AKAP9: variants seen among roughly 807,000 people sequenced by gnomAD.
AKAP9 encodes the protein A-kinase anchor protein 9.
Under a neutral mutation model 488.5 loss-of-function variants are expected in AKAP9, and 311 were observed. The observed-to-expected ratio is 0.64, with a 90% CI of 0.58 to 0.70. AKAP9 has a LOEUF of 0.70. Ranked by LOEUF, AKAP9 falls within the 30% of genes least tolerant of loss-of-function variation. The pLI is 0.00. For synonymous variants in AKAP9, 1,462 were observed against 1,483.5 expected, an observed-to-expected ratio of 0.99 and a Z score of 0.33; for missense variants, 4,215 against 4,374.5, an observed-to-expected ratio of 0.96 and a Z score of 1.03.
intron 46 of AKAP9, 52 bp downstream of exon 46, chr7:92,102,878 A>C (rs768996588): frequency 6.8e-7 from 1 of 1,464,486 alleles, no homozygotes; most frequent in Admixed American, 1.7e-5. Context: ...TAAAAGGATT[A>C]GTTATTTTTA....
intron 3 of AKAP9, 98 bp from the exon 4 acceptor site, chr7:91,992,060 A>G (rs925001863): frequency 1.2e-5 from 12 of 994,408 alleles, no homozygotes; most frequent in Non-Finnish European, 1.9e-5. Flanking sequence ...TTCCCTAGGA[A>G]TAAAAGACAT....
In AKAP9 at chr7:92,079,490, G is replaced by A. The variant is rs1158032444; in HGVS notation, c.7357G>A (p.Val2453Met). The stretch of plus-strand genomic sequence containing the variant: ...AAGCATACCAGAGAATAGTGTTAAC[G>A]TGGCTATAGATCATCTGAGCAAAGA... The part of the protein sequence containing the change: ...IQSIPENSVN[V>M]AIDHLSKDKP... The change falls in exon 31 of 50, where the codon GTG (valine) becomes ATG (methionine). Residue 2453 changes from valine (V) to methionine (M), a missense_variant. Val to Met is a conservative substitution (Grantham distance 21, BLOSUM62 1). Around this residue, in one of 5 missense-constraint regions of AKAP9, gnomAD observed 1,476 missense variants for 1,477.4 expected, o/e 1.00. Transcript: ENST00000356239. 9.3e-6 allele frequency: 15 copies of A among 1,613,960 alleles called. No individual in the cohort carries two copies. The South Asian group carries it at 1.1e-4, about 12-fold the overall frequency.
intron 12 of AKAP9, among the ~76,000 whole-genome samples, chr7:92,020,011 C>G (rs180903444): frequency 1.3e-5 from 2 of 150,416 alleles, no homozygotes; most frequent in East Asian, 3.9e-4. Flanking sequence ...GAGACTCCAT[C>G]TCAAAAAAAA....
chr7:91,942,703 G>A (rs935341644), intron 1 of AKAP9, among the ~76,000 whole-genome samples: 10 of 152,224 alleles, frequency 6.6e-5, no homozygotes, highest in African/African-American at 2.4e-4. Context: ...CATAATAGAG[G>A]ATTTATTTAA....
intron 1 of AKAP9, among the ~76,000 whole-genome samples, chr7:91,968,404 T>C (rs1004727889): frequency 6.6e-6 from 1 of 152,216 alleles, no homozygotes. Flanking sequence ...TTCATAATAG[T>C]CTGTAATGAT....
chr7:92,062,437 G>A lies in AKAP9; in HGVS notation c.5928G>A (p.Leu1976=), dbSNP rs142251048. 5.3e-5 allele frequency: 85 copies of A among 1,613,658 alleles called. No individual in the cohort carries two copies. Among genetic ancestry groups the A allele is most frequent in the Non-Finnish European group, 6.4e-5 (75 of 1,179,828 alleles). Residue 1976 remains leucine, a synonymous_variant, in exon 24 of 50, where the codon CTG becomes CTA. Transcript: ENST00000356239. ...QQQIQEEREL[L]SRQKEAMKAE... Reference sequence around the variant, plus strand: ...AGATCCAAGAAGAAAGAGAATTACTGTCCAGACAAAAGGAAGCTATGAAAG... The same window carrying A: ...AGATCCAAGAAGAAAGAGAATTACTATCCAGACAAAAGGAAGCTATGAAAG...
chr7:92,101,139 G>A, intron 45 of AKAP9, 83 bp downstream of exon 45: 1 of 1,401,360 alleles, frequency 7.1e-7, no homozygotes, highest in East Asian at 2.4e-5. Context: ...TAAATAAACA[G>A]TCTAAAGAAA....
Position 92,003,252 on chromosome 7 carries a change from A to G in AKAP9, c.3318+17A>G, listed in dbSNP as rs780193549. The G allele has an allele frequency of 7.8e-6, 12 of 1,535,370 alleles. No homozygotes were observed. Among genetic ancestry groups the G allele is most frequent in the Admixed American group, 3.4e-5 (2 of 59,618 alleles). The stretch of plus-strand genomic sequence containing the variant: ...TCAGAACAGGTATGTTTACTTCTTC[A>G]TATATGGTAAAGCACAATGAAAAAA... On this transcript the variant is annotated intron_variant, in intron 8 of 49. Coordinates refer to ENST00000356239, the MANE Select transcript of AKAP9 (RefSeq NM_005751.5).
intron 24 of AKAP9, chr7:92,063,432 C>T (rs1286602641): frequency 3.3e-6 from 3 of 902,976 alleles, no homozygotes; most frequent in Non-Finnish European, 2.6e-6. Context: ...TTTGTTGTGT[C>T]TTTTTTTTTT....
intron 28 of AKAP9, among the ~76,000 whole-genome samples, chr7:92,073,030 C>T (rs561950589): frequency 2.6e-5 from 4 of 152,092 alleles, no homozygotes; most frequent in African/African-American, 9.6e-5. Context: ...AGCATTGGGG[C>T]CCATTTTGTC....
chr7:92,069,548 A>T (rs565058086), intron 26 of AKAP9, among the ~76,000 whole-genome samples: 1 of 152,194 alleles, frequency 6.6e-6, no homozygotes, highest in South Asian at 2.1e-4. Flanking sequence ...TGAAATGAAG[A>T]TATGTTTTAT....
At chr7:92,043,480 T>G in intron 20 of AKAP9, 4 of 318,016 alleles carry the variant, frequency 1.3e-5, no homozygotes, top group Non-Finnish European at 1.8e-5. Context: ...CAGTATTTAA[T>G]TTCTAGGAAT....
At chr7:92,028,200 T>C (rs1803628685) in intron 14 of AKAP9, among the ~76,000 whole-genome samples, 1 of 150,900 alleles carries the variant, frequency 6.6e-6, no homozygotes, top group South Asian at 2.1e-4. Context: ...AGACCTTTGT[T>C]CACGTGTTTA....
intron 1 of AKAP9, among the ~76,000 whole-genome samples, chr7:91,966,932 A>G (rs920353412): frequency 3.3e-5 from 5 of 152,072 alleles, no homozygotes; most frequent in Non-Finnish European, 7.4e-5. Context: ...CATTTTTACA[A>G]TATTCTTCTA....
At chr7:92,012,382 A>G in intron 8 of AKAP9, 47 bp from the exon 9 acceptor site, 3 of 1,512,410 alleles carry the variant, frequency 2.0e-6, no homozygotes, top group Non-Finnish European at 1.8e-6. Flanking sequence ...AAATTATTTG[A>G]TTTGTCATTT....
rs536871390 is a variant in AKAP9 at position 91,999,078 on chromosome 7, A to G, written c.931-1770A>G. Reference sequence around the variant, plus strand: ...TAGAATTTTGCCCAAGAGGCTGCATAGGATAACATTCATTGCCTTGGTTAA... The same window carrying G: ...TAGAATTTTGCCCAAGAGGCTGCATGGGATAACATTCATTGCCTTGGTTAA... On this transcript the variant is annotated intron_variant, in intron 7 of 49. Coordinates refer to ENST00000356239, the MANE Select transcript of AKAP9 (RefSeq NM_005751.5). 2.6e-4 allele frequency among the ~76,000 whole-genome samples: 39 copies of G among 152,204 alleles called. 2 individuals are homozygous for G. Among genetic ancestry groups the G allele is most frequent in the South Asian group, 1.4e-3 (7 of 4,830 alleles).
chr7:91,983,282 A>T (rs1377128794), intron 3 of AKAP9, among the ~76,000 whole-genome samples: 1 of 152,008 alleles, frequency 6.6e-6, no homozygotes, highest in Admixed American at 6.6e-5. Context: ...GTTCCCACCT[A>T]TGAGTGAGAA....
chr7:91,996,501 C>T (rs1798424801), intron 7 of AKAP9, among the ~76,000 whole-genome samples: 1 of 152,132 alleles, frequency 6.6e-6, no homozygotes, highest in Non-Finnish European at 1.5e-5. Context: ...CTACACTGCA[C>T]TACCTCGGGT....
chr7:92,041,000 C>A, intron 18 of AKAP9, 102 bp downstream of exon 18: 15 of 974,508 alleles, frequency 1.5e-5, no homozygotes, highest in Non-Finnish European at 2.0e-5. Context: ...TTTATGTAGC[C>A]ATAATTTTTT....
Sources: allele counts gnomAD v4.1 joint callset (sites outside exome capture counted in the v4.1 genomes callset), GRCh38; gene constraint gnomAD v4.1.1; regional missense constraint gnomAD v4.1.1; transcripts MANE v1.5; gene names NCBI Gene and HGNC (gene_info 2026-07-23, HGNC 2026-07-21).